Variants in ZMIZ2 observed in about 807,000 individuals in gnomAD.
ZMIZ2 encodes the protein zinc finger MIZ domain-containing protein 2.
In ZMIZ2, 26 loss-of-function variants were observed where a neutral mutation model predicts 93.9. That is an observed-to-expected ratio of 0.28 (90% CI 0.20 to 0.38). The LOEUF is 0.38. Among genes scored for constraint, ZMIZ2 ranks in the 10% least tolerant of loss-of-function variants. The pLI, the probability that ZMIZ2 is intolerant of heterozygous loss-of-function variation, is 1.00. For missense variants in ZMIZ2, 1,023 were observed against 1,235.0 expected, an observed-to-expected ratio of 0.83 and a Z score of 2.57; for synonymous variants, 485 against 516.4, an observed-to-expected ratio of 0.94 and a Z score of 0.82.
At position 44,767,503 on chromosome 7, in the gene ZMIZ2, A is replaced by G. The variant is rs748732406; in HGVS notation, c.2656-13A>G. The G allele has an allele frequency of 6.2e-7, 1 of 1,611,176 alleles. No individual in the cohort carries two copies. The highest frequency in any genetic ancestry group is 8.5e-7 in the Non-Finnish European group (1 of 1,177,372). Reference sequence around the variant, plus strand: ...GTGACCAAAGCTGCTAACAGAGTTCACTTTGTCCTCAGCTGCTCCCGGAAC... The same window carrying G: ...GTGACCAAAGCTGCTAACAGAGTTCGCTTTGTCCTCAGCTGCTCCCGGAAC... On this transcript the variant is annotated splice_polypyrimidine_tract_variant and intron_variant, in intron 18 of 18. Coordinates refer to ENST00000309315, the MANE Select transcript of ZMIZ2 (RefSeq NM_031449.4).
At position 44,761,329 on chromosome 7, in the gene ZMIZ2, G is replaced by A. The variant is rs2116810591; in HGVS notation, c.1241-120G>A. ...CCTGCCAAGCAGTGCCTGACAGGAG[G>A]GGCTCCCTTCACCAAGGTCCCTGCG... On this transcript the variant is annotated intron_variant, in intron 9 of 18. Transcript: ENST00000309315. The surrounding 1 kb of genome is among the most constrained non-coding windows in gnomAD (Gnocchi z 5.8). 3 of 1,473,002 alleles carry A rather than the reference G, an allele frequency of 2.0e-6. No individual in the cohort carries two copies. The highest frequency in any genetic ancestry group is 2.7e-6 in the Non-Finnish European group (3 of 1,108,688). 91.2% of individuals were successfully genotyped at this position (1,473,002 alleles called of 1,614,324 possible). A position where few individuals can be genotyped will look rare whatever the true frequency, so the allele number is the denominator to read the frequency against.
Position 44,765,189 on chromosome 7 carries a change from G to T in ZMIZ2, c.1998-146G>T. ...CCTGAGTGTTGGTGCTGGGCCCAGC[G>T]TCCTGCTCGATGTGGAAGGTGCTGG... On this transcript the variant is annotated intron_variant, in intron 15 of 18. Coordinates refer to ENST00000309315, the MANE Select transcript of ZMIZ2 (RefSeq NM_031449.4). This position sits in a 1 kb window ranked among gnomAD's most constrained non-coding sequence, Gnocchi z 4.1. The T allele has an allele frequency of 6.7e-7, 1 of 1,484,002 alleles. No individual in the cohort carries two copies. 91.9% of individuals were successfully genotyped at this position (1,484,002 alleles called of 1,614,324 possible).
Position 44,766,353 on chromosome 7 carries a change from G to T in ZMIZ2, c.2412+20G>T, listed in dbSNP as rs41280657. On this transcript the variant is annotated intron_variant, in intron 17 of 18. Coordinates refer to ENST00000309315, the MANE Select transcript of ZMIZ2 (RefSeq NM_031449.4). The surrounding 1 kb of genome is among the most constrained non-coding windows in gnomAD (Gnocchi z 4.4). ...AGCCAGGTCAGTGCCAAGCCGAGAG[G>T]CCAAGGGGCCCTGTCTCCCCAGGGG... 1.9e-6 allele frequency: 3 copies of T among 1,604,674 alleles called. No individual in the cohort carries two copies. In the African/African-American group the frequency reaches 4.0e-5, roughly 22 times the overall value.
At chr7:44,756,155 C>T (rs770904014) in intron 1 of ZMIZ2, 33 bp from the exon 2 acceptor site, 3 of 1,569,680 alleles carry the variant, frequency 1.9e-6, no homozygotes, top group East Asian at 4.5e-5. Flanking sequence ...CTGGCTGCAT[C>T]GCAGCTAACA....
chr7:44,763,732 C>T lies in ZMIZ2; in HGVS notation c.1860+319C>T. 3.1e-6 allele frequency: 1 copy of T among 324,608 alleles called. No individual in the cohort carries two copies. Among genetic ancestry groups the T allele is most frequent in the Non-Finnish European group, 5.7e-6 (1 of 174,544 alleles). The allele number at this position is 324,608 out of a possible 1,614,324, so 20.1% of individuals were successfully genotyped here. ...AAGGGTGACCATCGTTAGCATCTGT[C>T]TTTGCAGAAATACTCTGGGTATGAA... On this transcript the variant is annotated intron_variant, in intron 13 of 18. Coordinates refer to ENST00000309315, the MANE Select transcript of ZMIZ2 (RefSeq NM_031449.4). This position sits in a 1 kb window ranked among gnomAD's most constrained non-coding sequence, Gnocchi z 5.6.
Position 44,766,439 on chromosome 7 carries a change from C to T in ZMIZ2, c.2431C>T (p.Leu811=), listed in dbSNP as rs748380723. 1.2e-6 allele frequency: 2 copies of T among 1,614,190 alleles called. No individual in the cohort carries two copies. The highest frequency in any genetic ancestry group is 1.1e-5 in the South Asian group (1 of 91,090). Residue 811 remains leucine, a synonymous_variant, in exon 18 of 19, where the codon CTG becomes TTG. Transcript: ENST00000309315. The surrounding 1 kb of genome is among the most constrained non-coding windows in gnomAD (Gnocchi z 4.4). ...TCTTCAGATGGCACCAGCAGGTCAC[C>T]TGGACCCCACTCACAATCCTGGGAC... is the stretch of plus-strand genomic sequence containing the variant. ...LPSQMAPAGH[L]DPTHNPGTPG...
chr7:44,763,921 G>A lies in ZMIZ2; in HGVS notation c.1861-498G>A, dbSNP rs575593605. 6.6e-6 allele frequency among the ~76,000 whole-genome samples: 1 copy of A among 152,126 alleles called. No individual in the cohort carries two copies. The highest frequency in any genetic ancestry group is 2.4e-5 in the African/African-American group (1 of 41,420). On this transcript the variant is annotated intron_variant, in intron 13 of 18. Coordinates refer to ENST00000309315, the MANE Select transcript of ZMIZ2 (RefSeq NM_031449.4). The surrounding 1 kb of genome is among the most constrained non-coding windows in gnomAD (Gnocchi z 5.6). The stretch of plus-strand genomic sequence containing the variant: ...TTTGGGAGGCTGAGGTGGGCAGATC[G>A]AGGTAAGGAGTTCGAGACCAGCCTG...
intron 11 of ZMIZ2, among the ~76,000 whole-genome samples, chr7:44,762,437 A>T (rs1583646688): frequency 6.6e-6 from 1 of 152,330 alleles, no homozygotes; most frequent in Middle Eastern, 3.4e-3. Flanking sequence ...ATGGCTTATG[A>T]GTGCACTAGT....
Position 44,761,930 on chromosome 7 carries a change from G to A in ZMIZ2, c.1596+25G>A, listed in dbSNP as rs1431877793. On this transcript the variant is annotated intron_variant, in intron 11 of 18. Transcript: ENST00000309315. This position sits in a 1 kb window ranked among gnomAD's most constrained non-coding sequence, Gnocchi z 5.8. Reference sequence around the variant, plus strand: ...CGTGCGTGTCCTGCGCCGAGGGGGCGGTGCTGTGGCGTGGGGCGGGGTGTG... The same window carrying A: ...CGTGCGTGTCCTGCGCCGAGGGGGCAGTGCTGTGGCGTGGGGCGGGGTGTG... 1.2e-6 allele frequency: 2 copies of A among 1,600,890 alleles called. No homozygotes were observed. The highest frequency in any genetic ancestry group is 1.8e-4 in the Middle Eastern group (1 of 5,672).
intron 9 of ZMIZ2, among the ~76,000 whole-genome samples, chr7:44,760,962 C>T (rs1791117935): frequency 6.6e-6 from 1 of 152,014 alleles, no homozygotes; most frequent in South Asian, 2.1e-4. Context: ...GAGGCTGTGG[C>T]TCTTCTCTCC....
intron 1 of ZMIZ2, among the ~76,000 whole-genome samples, chr7:44,753,251 T>C (rs1336193568): frequency 1.3e-5 from 2 of 152,034 alleles, no homozygotes; most frequent in Non-Finnish European, 2.9e-5. Context: ...TTTTTTGTTT[T>C]GTTTTGTTTT....
chr7:44,764,895 A>C (rs771104319), intron 14 of ZMIZ2, 46 bp from the exon 15 acceptor site: 5 of 1,603,430 alleles, frequency 3.1e-6, no homozygotes, highest in Non-Finnish European at 4.3e-6. Flanking sequence ...TGCCCAGGAC[A>C]GGGTTGTGCA....
At chr7:44,757,808 TG>T in intron 5 of ZMIZ2, 39 bp from the exon 6 acceptor site, 1 of 1,515,158 alleles carries the variant, frequency 6.6e-7, no homozygotes, top group Non-Finnish European at 8.8e-7. Flanking sequence ...GAGCCCTTTG[TG>T]GGTGGGACCT....
chr7:44,752,331 T>C (rs1295890440), intron 1 of ZMIZ2, among the ~76,000 whole-genome samples: 1 of 152,036 alleles, frequency 6.6e-6, no homozygotes, highest in African/African-American at 2.4e-5. Context: ...TTAGTAGAGT[T>C]GGGGTTTCAC....
intron 3 of ZMIZ2, 180 bp downstream of exon 3, chr7:44,756,719 C>T: frequency 1.3e-6 from 1 of 771,434 alleles, no homozygotes; most frequent in Non-Finnish European, 2.1e-6. Context: ...CACTGGTTCT[C>T]TTTCCACACC....
At position 44,761,974 on chromosome 7, in the gene ZMIZ2, G is replaced by T. The variant is rs1791234699; in HGVS notation, c.1596+69G>T. ...GGGTGTGGTGGGGCCTGGCCCAGCG[G>T]TGCCGTGGGGTGGGGCGGGGTGTGG... On this transcript the variant is annotated intron_variant, in intron 11 of 18. Coordinates refer to ENST00000309315, the MANE Select transcript of ZMIZ2 (RefSeq NM_031449.4). The surrounding 1 kb of genome is among the most constrained non-coding windows in gnomAD (Gnocchi z 5.8). The T allele has an allele frequency of 1.4e-6, 2 of 1,436,442 alleles. No homozygotes were observed. Among genetic ancestry groups the T allele is most frequent in the Non-Finnish European group, 9.2e-7 (1 of 1,091,286 alleles). 89.0% of individuals were successfully genotyped at this position (1,436,442 alleles called of 1,614,324 possible). A position where few individuals can be genotyped will look rare whatever the true frequency, so the allele number is the denominator to read the frequency against.
intron 6 of ZMIZ2, 131 bp from the exon 7 acceptor site, chr7:44,759,150 C>A: frequency 1.4e-6 from 1 of 697,688 alleles, no homozygotes; most frequent in Non-Finnish European, 2.2e-6. Context: ...GACAGTGTCA[C>A]AGCAGGATCT....
rs1396138413 is a variant in ZMIZ2, at chr7:44,768,031, A to G, written c.*408A>G. The G allele has an allele frequency of 1.6e-5, 4 of 252,936 alleles. No homozygotes were observed. The highest frequency in any genetic ancestry group is 4.4e-5 in the South Asian group (1 of 22,652). The allele number at this position is 252,936 out of a possible 1,614,324, so 15.7% of individuals were successfully genotyped here. A position where few individuals can be genotyped will look rare whatever the true frequency, so the allele number is the denominator to read the frequency against. On this transcript the variant is annotated 3_prime_UTR_variant, in exon 19 of 19. Transcript: ENST00000309315. ...ATCCTTCTGTTTCAACAACTCCTCC[A>G]CTGGGCAGAGCTGGGCATCTGGCAG...
intron 1 of ZMIZ2, chr7:44,749,840 T>G (rs552418841): frequency 6.6e-6 from 1 of 152,334 alleles, no homozygotes; most frequent in East Asian, 1.9e-4. Flanking sequence ...ACACGGAACA[T>G]GTGACTTGGT....
Sources: gnomAD v4.1 joint callset for allele counts (sites outside exome capture counted in the v4.1 genomes callset) on GRCh38, gnomAD v4.1.1 for gene constraint, Gnocchi (gnomAD v3.1) non-coding constraint, MANE v1.5 for transcripts, NCBI Gene and HGNC (gene_info 2026-07-23, HGNC 2026-07-21) for gene names.